DENND1A: variants seen among roughly 807,000 people sequenced by gnomAD.
DENND1A encodes the protein DENN domain-containing protein 1A.
DENND1A carries 51 observed loss-of-function variants against 113.7 expected under a neutral mutation model. The ratio of observed to expected loss-of-function variants is 0.45; its 90% confidence interval spans 0.36 to 0.57. DENND1A has a LOEUF of 0.57. DENND1A is among the 20% of genes least tolerant of loss of function. The probability of loss-of-function intolerance (pLI) is 0.00; values close to 1 mark genes in which losing one functional copy is unlikely to be tolerated. For synonymous variants in DENND1A, 565 were observed against 570.8 expected (o/e 0.99, Z 0.14); for missense variants, 1,258 against 1,395.9 (o/e 0.90, Z 1.57).
At chr9:123,662,154 G>A (rs767964849) in intron 8 of DENND1A, among the ~76,000 whole-genome samples, 1 of 152,186 alleles carries the variant, frequency 6.6e-6, no homozygotes, top group Admixed American at 6.5e-5. Flanking sequence ...CACAGGAATC[G>A]GAATGGCTGA....
intron 10 of DENND1A, among the ~76,000 whole-genome samples, chr9:123,626,202 C>A (rs1213346126): frequency 6.6e-6 from 1 of 152,060 alleles, no homozygotes; most frequent in South Asian, 2.1e-4. Flanking sequence ...CTGAGGCTAC[C>A]TTTTAGAGCA....
chr9:123,424,233 C>T (rs763081889), intron 19 of DENND1A, among the ~76,000 whole-genome samples: 30 of 152,178 alleles, frequency 2.0e-4, no homozygotes, highest in Non-Finnish European at 3.8e-4. Flanking sequence ...GTCCATCAAT[C>T]CTGCACACCC....
intron 13 of DENND1A, among the ~76,000 whole-genome samples, chr9:123,515,713 CTTAAATTGT>C (rs1381324189): frequency 1.3e-5 from 2 of 151,902 alleles, no homozygotes; most frequent in Non-Finnish European, 2.9e-5. Flanking sequence ...AAATGAAGTA[CTTAAATTGT>C]TCTTAAAATA....
At chr9:123,763,277 G>A (rs1165133699) in intron 4 of DENND1A, among the ~76,000 whole-genome samples, 1 of 152,136 alleles carries the variant, frequency 6.6e-6, no homozygotes, top group South Asian at 2.1e-4. Flanking sequence ...CTGGATGGTG[G>A]CTTAACTCAT....
chr9:123,690,271 T>C (rs1251313470), intron 5 of DENND1A, among the ~76,000 whole-genome samples: 1 of 152,202 alleles, frequency 6.6e-6, no homozygotes, highest in Non-Finnish European at 1.5e-5. Context: ...TTCTAGATTA[T>C]GGGATTGTAG....
chr9:123,571,806 T>G (rs1055681059), intron 12 of DENND1A, among the ~76,000 whole-genome samples: 2 of 152,208 alleles, frequency 1.3e-5, no homozygotes, highest in African/African-American at 4.8e-5. Flanking sequence ...TTCTCTTGGG[T>G]GAATAGCCAG....
chr9:123,882,917 A>G (rs1848524568), intron 1 of DENND1A, among the ~76,000 whole-genome samples: 1 of 152,234 alleles, frequency 6.6e-6, no homozygotes, highest in African/African-American at 2.4e-5. Flanking sequence ...AGAAGGTGGC[A>G]GTCCTTAGCA....
intron 13 of DENND1A, among the ~76,000 whole-genome samples, chr9:123,548,813 AG>A (rs2056868372): frequency 6.6e-6 from 1 of 152,272 alleles, no homozygotes; most frequent in African/African-American, 2.4e-5. Flanking sequence ...AGCCAGGCAA[AG>A]GGACAAATAT....
chr9:123,608,434 C>G (rs564512276), intron 11 of DENND1A, among the ~76,000 whole-genome samples: 4 of 152,278 alleles, frequency 2.6e-5, no homozygotes, highest in Admixed American at 2.6e-4. Context: ...GATTTTCCCT[C>G]TGAGAGCTTA....
chr9:123,644,546 T>C (rs981724264), intron 9 of DENND1A, among the ~76,000 whole-genome samples: 1 of 151,974 alleles, frequency 6.6e-6, no homozygotes. Flanking sequence ...GTGGGGTGGC[T>C]ATTCCTAACA....
At chr9:123,707,151 T>G (rs774242638) in intron 5 of DENND1A, among the ~76,000 whole-genome samples, 1 of 152,128 alleles carries the variant, frequency 6.6e-6, no homozygotes, top group Non-Finnish European at 1.5e-5. Flanking sequence ...TCCCAGCACT[T>G]TGGGAGGCCA....
At chr9:123,637,495 A>G (rs2061765750) in intron 9 of DENND1A, among the ~76,000 whole-genome samples, 1 of 152,240 alleles carries the variant, frequency 6.6e-6, no homozygotes, top group Non-Finnish European at 1.5e-5. Flanking sequence ...CTCTAAAATC[A>G]TCAAAACGTT....
At chr9:123,461,015 C>T (rs1291623597) in intron 13 of DENND1A, among the ~76,000 whole-genome samples, 3 of 152,176 alleles carry the variant, frequency 2.0e-5, no homozygotes, top group African/African-American at 7.2e-5. Flanking sequence ...GCAAACGCAC[C>T]CTCCCAAAGC....
At chr9:123,387,624 C>T (rs2042633480) in intron 22 of DENND1A, 106 bp downstream of exon 22, 6 of 1,217,172 alleles carry the variant, frequency 4.9e-6, no homozygotes, top group Non-Finnish European at 5.3e-6. Context: ...CTCCAGACAC[C>T]CTCCCCCCGA....
chr9:123,541,207 ATTAAG>A (rs986184835), intron 13 of DENND1A, among the ~76,000 whole-genome samples: 1 of 152,166 alleles, frequency 6.6e-6, no homozygotes, highest in Non-Finnish European at 1.5e-5. Flanking sequence ...AAGTTGTTGC[ATTAAG>A]TAATTTCAAT....
chr9:123,395,294 C>A (rs564726420), intron 21 of DENND1A, among the ~76,000 whole-genome samples: 1 of 152,034 alleles, frequency 6.6e-6, no homozygotes, highest in African/African-American at 2.4e-5. Flanking sequence ...GCAGAAGAGG[C>A]GACAGACAAA....
At chr9:123,670,550 T>C (rs896836446) in intron 7 of DENND1A, among the ~76,000 whole-genome samples, 1 of 152,222 alleles carries the variant, frequency 6.6e-6, no homozygotes, top group Non-Finnish European at 1.5e-5. Flanking sequence ...ATGACTAGGA[T>C]GGAAATCTCC....
intron 2 of DENND1A, among the ~76,000 whole-genome samples, chr9:123,878,608 T>A (rs1273620203): frequency 6.6e-6 from 1 of 152,226 alleles, no homozygotes; most frequent in Non-Finnish European, 1.5e-5. Context: ...ACCATTAGAT[T>A]GGTAGACTAG....
At chr9:123,645,686 TTTG>T (rs2062282270) in intron 9 of DENND1A, among the ~76,000 whole-genome samples, 1 of 152,188 alleles carries the variant, frequency 6.6e-6, no homozygotes, top group African/African-American at 2.4e-5. Flanking sequence ...GAATCAACTC[TTTG>T]TTAAGAAAAG....
Sources: allele counts gnomAD v4.1 joint callset (sites outside exome capture counted in the v4.1 genomes callset), GRCh38; gene constraint gnomAD v4.1.1; transcripts MANE v1.5; gene names NCBI Gene and HGNC (gene_info 2026-07-23, HGNC 2026-07-21).